CSNK1D: variants seen among roughly 807,000 people sequenced by gnomAD.
CSNK1D encodes casein kinase 1 delta.
In CSNK1D, 16 loss-of-function variants were observed where a neutral mutation model predicts 46.6. The ratio of observed to expected loss-of-function variants is 0.34; its 90% CI spans 0.23 to 0.52. CSNK1D has a LOEUF of 0.52. CSNK1D is among the 20% of genes least tolerant of loss of function. The probability of loss-of-function intolerance (pLI) is 0.95; values close to 1 mark genes in which losing one functional copy is unlikely to be tolerated. For missense variants in CSNK1D, 398 were observed against 578.4 expected, an observed-to-expected ratio of 0.69 and a Z score of 3.20; for synonymous variants, 276 against 228.2, an observed-to-expected ratio of 1.21 and a Z score of -1.89.
At position 82,252,033 on chromosome 17, in the gene CSNK1D, T is replaced by C. The variant is rs1024819659; in HGVS notation, c.736+401A>G. 3.3e-5 allele frequency among the ~76,000 whole-genome samples: 5 copies of C among 151,962 alleles called. No homozygotes were observed. Among genetic ancestry groups the C allele is most frequent in the African/African-American group, 9.7e-5 (4 of 41,368 alleles). ...AGTCATAAAGCACAATTTAGTTTCA[T>C]TTGAGGTGTGTATCCTGGGGCAATC... On this transcript the variant is annotated intron_variant, in intron 5 of 8. Coordinates refer to ENST00000314028, the MANE Select transcript of CSNK1D (RefSeq NM_001893.6). The surrounding 1 kb of genome is among the most constrained non-coding windows in gnomAD (Gnocchi z 4.6).
intron 8 of CSNK1D, chr17:82,247,652 C>T: frequency 1.0e-6 from 1 of 985,430 alleles, no homozygotes; most frequent in Non-Finnish European, 1.2e-6. Flanking sequence ...TGCGCAAGTG[C>T]CAGGCTCGTG....
chr17:82,246,100 C>T (rs2050843979), intron 8 of CSNK1D: 6 of 1,566,120 alleles, frequency 3.8e-6, no homozygotes, highest in South Asian at 1.2e-5. Context: ...CTACCTGTGT[C>T]GGCTCCATGT....
chr17:82,266,176 C>A (rs1298829377), intron 1 of CSNK1D, among the ~76,000 whole-genome samples: 1 of 152,204 alleles, frequency 6.6e-6, no homozygotes, highest in East Asian at 1.9e-4. Context: ...GGTGCCATTC[C>A]CTTTTCTCCA....
At position 82,265,821 on chromosome 17, in the gene CSNK1D, C is replaced by T. The variant is rs761046544; in HGVS notation, c.77-25G>A. ...CCTTGGCAAAGAAAGAAAACCACAACAGGAATTACCTGGTATCCACCAAAT... is the reference window on the plus strand; with the variant it reads ...CCTTGGCAAAGAAAGAAAACCACAATAGGAATTACCTGGTATCCACCAAAT... On this transcript the variant is annotated intron_variant, in intron 1 of 8. Transcript: ENST00000314028. The T allele has an allele frequency of 1.0e-5, 16 of 1,557,066 alleles. 1 individual carries two copies. In the Admixed American group the frequency reaches 2.0e-4, roughly 19 times the overall value.
chr17:82,258,048 A>T (rs115233445), intron 2 of CSNK1D, among the ~76,000 whole-genome samples: 2,331 of 152,072 alleles, frequency 0.015, 67 homozygotes, highest in African/African-American at 0.054. Context: ...CTACAAAAAA[A>T]TTTTAAAAAT....
chr17:82,254,016 G>C (rs1356372102), intron 3 of CSNK1D: 2 of 211,974 alleles, frequency 9.4e-6, no homozygotes, highest in Non-Finnish European at 1.7e-5. Context: ...CGAGAAGCCA[G>C]TCAGCTGAGC....
chr17:82,256,743 T>C (rs2051184785), intron 2 of CSNK1D, among the ~76,000 whole-genome samples: 1 of 152,060 alleles, frequency 6.6e-6, no homozygotes, highest in Admixed American at 6.6e-5. Context: ...AATACGTCCT[T>C]TGGTCCTATT....
chr17:82,241,920 C>T (rs1260712111), downstream of CSNK1D, among the ~76,000 whole-genome samples: 2 of 152,128 alleles, frequency 1.3e-5, no homozygotes, highest in Non-Finnish European at 2.9e-5. Flanking sequence ...AAAGCTACAC[C>T]GTTCTTAGAG....
chr17:82,249,718 C>T lies in CSNK1D; in HGVS notation c.886-116G>A, dbSNP rs2147164641. The T allele has an allele frequency of 6.6e-7, 1 of 1,520,352 alleles. No homozygotes were observed. Among genetic ancestry groups the T allele is most frequent in the African/African-American group, 1.4e-5 (1 of 72,810 alleles). 94.2% of individuals were successfully genotyped at this position (1,520,352 alleles called of 1,614,324 possible). A position where few individuals can be genotyped will look rare whatever the true frequency, so the allele number is the denominator to read the frequency against. ...CCTACCAAAGGGCACTGGGACGAGACTGCCTGCAAAGCCCCCCACAGGCTG... is the reference window on the plus strand; with the variant it reads ...CCTACCAAAGGGCACTGGGACGAGATTGCCTGCAAAGCCCCCCACAGGCTG... On this transcript the variant is annotated intron_variant, in intron 6 of 8. Transcript: ENST00000314028. This position sits in a 1 kb window ranked among gnomAD's most constrained non-coding sequence, Gnocchi z 6.7.
intron 8 of CSNK1D, 40 bp from the exon 9 acceptor site, chr17:82,244,871 T>C: frequency 6.2e-7 from 1 of 1,612,922 alleles, no homozygotes; most frequent in Non-Finnish European, 8.5e-7. Context: ...AGCATGGGGC[T>C]GGGGGAGCCG....
At chr17:82,269,752 T>C (rs138595622) in intron 1 of CSNK1D, among the ~76,000 whole-genome samples, 53 of 152,364 alleles carry the variant, frequency 3.5e-4, no homozygotes, top group African/African-American at 1.1e-3. Flanking sequence ...GGGCTCTCAC[T>C]GCCTCTCTGC....
intron 2 of CSNK1D, among the ~76,000 whole-genome samples, chr17:82,260,489 T>C (rs942099092): frequency 1.1e-4 from 16 of 149,622 alleles, no homozygotes; most frequent in Admixed American, 8.6e-4. Context: ...ACTGATGGTG[T>C]ACTGACTGAT....
chr17:82,242,220 G>GA (rs1568546769), downstream of CSNK1D, among the ~76,000 whole-genome samples: 1 of 151,614 alleles, frequency 6.6e-6, no homozygotes, highest in African/African-American at 2.4e-5. Context: ...TCTGGGGGGG[G>GA]GGGGAAGAGG....
Position 82,252,619 on chromosome 17 carries a change from G to A in CSNK1D, c.566-15C>T, listed in dbSNP as rs1316946378. 1 of 1,612,356 alleles carries A rather than the reference G, an allele frequency of 6.2e-7. No homozygotes were observed. Among genetic ancestry groups the A allele is most frequent in the East Asian group, 2.2e-5 (1 of 44,868 alleles). Reference sequence around the variant, plus strand: ...TCGGGATTGTTCTGAAAAGAAAAGGGAAAGGCGTGAAGAACGGCACTTGCG... The same window carrying A: ...TCGGGATTGTTCTGAAAAGAAAAGGAAAAGGCGTGAAGAACGGCACTTGCG... On this transcript the variant is annotated splice_polypyrimidine_tract_variant and intron_variant, in intron 4 of 8. Coordinates refer to ENST00000314028, the MANE Select transcript of CSNK1D (RefSeq NM_001893.6). The surrounding 1 kb of genome is among the most constrained non-coding windows in gnomAD (Gnocchi z 4.6).
Position 82,255,689 on chromosome 17 carries a change from G to C in CSNK1D, c.188-112C>G, listed in dbSNP as rs1431988276. 4 of 1,365,500 alleles carry C rather than the reference G, an allele frequency of 2.9e-6. No homozygotes were observed. Among genetic ancestry groups the C allele is most frequent in the Non-Finnish European group, 4.2e-6 (4 of 962,796 alleles). 84.6% of individuals were successfully genotyped at this position (1,365,500 alleles called of 1,614,324 possible). ...TGGTGACAATCCTGAACGGGGGAGGGGTGGTGGAGGTAGAAGACCCCGGCA... is the reference window on the plus strand; with the variant it reads ...TGGTGACAATCCTGAACGGGGGAGGCGTGGTGGAGGTAGAAGACCCCGGCA... On this transcript the variant is annotated intron_variant, in intron 2 of 8. Coordinates refer to ENST00000314028, the MANE Select transcript of CSNK1D (RefSeq NM_001893.6). The surrounding 1 kb of genome is among the most constrained non-coding windows in gnomAD (Gnocchi z 5.9).
At position 82,249,790 on chromosome 17, in the gene CSNK1D, G is replaced by C; in HGVS notation, c.886-188C>G. 6.9e-7 allele frequency: 1 copy of C among 1,447,298 alleles called. No individual in the cohort carries two copies. The allele number at this position is 1,447,298 out of a possible 1,614,324, so 89.7% of individuals were successfully genotyped here. ...ACAGCATCATCCCCACAAGGGGTCA[G>C]AGCCAGGCCTCTCAGCTCCCCCAAC... On this transcript the variant is annotated intron_variant, in intron 6 of 8. Transcript: ENST00000314028. This position sits in a 1 kb window ranked among gnomAD's most constrained non-coding sequence, Gnocchi z 6.7.
At chr17:82,270,883 C>G (rs1480235671) in intron 1 of CSNK1D, among the ~76,000 whole-genome samples, 1 of 152,204 alleles carries the variant, frequency 6.6e-6, no homozygotes, top group Non-Finnish European at 1.5e-5. Flanking sequence ...AATCCCGTAT[C>G]CAGCATGACT....
At position 82,252,909 on chromosome 17, in the gene CSNK1D, G is replaced by T; in HGVS notation, c.565+107C>A. 9.5e-7 allele frequency: 1 copy of T among 1,053,300 alleles called. No individual in the cohort carries two copies. Among genetic ancestry groups the T allele is most frequent in the South Asian group, 1.3e-5 (1 of 75,574 alleles). The allele number at this position is 1,053,300 out of a possible 1,614,324, so 65.2% of individuals were successfully genotyped here. On this transcript the variant is annotated intron_variant, in intron 4 of 8. Transcript: ENST00000314028. This position sits in a 1 kb window ranked among gnomAD's most constrained non-coding sequence, Gnocchi z 4.6. Reference sequence around the variant, plus strand: ...AGCCTGTCTGCCGCAAAGGTCTGATGACACGCTTGCAGCCCCAGCTCCCCG... The same window carrying T: ...AGCCTGTCTGCCGCAAAGGTCTGATTACACGCTTGCAGCCCCAGCTCCCCG...
chr17:82,242,323 T>C (rs2050752312), downstream of CSNK1D, among the ~76,000 whole-genome samples: 1 of 151,954 alleles, frequency 6.6e-6, no homozygotes, highest in South Asian at 2.1e-4. Flanking sequence ...ACCACGGCCC[T>C]ATGGCAGGGG....
Sources: gnomAD v4.1 joint callset for allele counts (sites outside exome capture counted in the v4.1 genomes callset) on GRCh38, gnomAD v4.1.1 for gene constraint, Gnocchi (gnomAD v3.1) non-coding constraint, MANE v1.5 for transcripts, NCBI Gene and HGNC (gene_info 2026-07-23, HGNC 2026-07-21) for gene names.